Variants in NLRP4 observed in about 807,000 individuals in gnomAD.
The protein encoded by NLRP4 is NACHT, LRR and PYD domains-containing protein 4.
Under a neutral mutation model 84.7 loss-of-function variants are expected in NLRP4, and 44 were observed. The observed-to-expected ratio is 0.52, with a 90% CI of 0.41 to 0.67. The LOEUF is 0.67. Ranked by LOEUF, NLRP4 falls within the 30% of genes least tolerant of loss-of-function variation. NLRP4 has a pLI of 0.00. For synonymous variants in NLRP4, 544 were observed against 476.4 expected (o/e 1.14, Z -1.85); for missense variants, 1,260 against 1,219.4 (o/e 1.03, Z -0.50).
intron 1 of NLRP4, among the ~76,000 whole-genome samples, chr19:55,837,852 A>G (rs1258367714): frequency 1.3e-5 from 2 of 152,078 alleles, no homozygotes; most frequent in African/African-American, 2.4e-5. Flanking sequence ...CCTGGAAAAC[A>G]TGGCAAAACC....
intron 5 of NLRP4, among the ~76,000 whole-genome samples, chr19:55,863,891 A>G (rs574972476): frequency 1.7e-3 from 258 of 152,202 alleles, no homozygotes; most frequent in Non-Finnish European, 3.2e-3. Context: ...CTTACCCTCT[A>G]CTTACCTTCA....
intron 8 of NLRP4, 26 bp downstream of exon 8, chr19:55,877,192 T>C: frequency 1.2e-6 from 2 of 1,605,494 alleles, no homozygotes; most frequent in South Asian, 1.1e-5. Flanking sequence ...CTCCTGGTTA[T>C]GTTTTCATGA....
At chr19:55,848,967 C>G (rs570228652) in intron 1 of NLRP4, among the ~76,000 whole-genome samples, 1 of 152,076 alleles carries the variant, frequency 6.6e-6, no homozygotes, top group Non-Finnish European at 1.5e-5. Flanking sequence ...GTAAGATGTG[C>G]CTTTTGCCTT....
chr19:55,859,443 T>A (rs1984629844), intron 3 of NLRP4, among the ~76,000 whole-genome samples, 194 bp downstream of exon 3: 1 of 152,194 alleles, frequency 6.6e-6, no homozygotes, highest in Non-Finnish European at 1.5e-5. Flanking sequence ...CTTTTGTGGC[T>A]GCAGTGGCCC....
rs1451039589 is a variant in NLRP4, at chr19:55,847,718, T to C, written c.-65-4298T>C. Among the ~76,000 whole-genome samples the C allele has an allele frequency of 2.6e-5, 3 of 115,882 alleles. No individual in the cohort carries two copies. The East Asian group carries it at 6.3e-4, about 25-fold the overall frequency. 76.0% of individuals were successfully genotyped at this position (115,882 alleles called of 152,430 possible). On this transcript the variant is annotated intron_variant, in intron 1 of 9. Transcript: ENST00000301295. ...TTCCCCCCTTTTTACCTAATATCCT[T>C]TTTTTTTTTTTTTTGAGATGGAGTC...
chr19:55,854,513 A>AT (rs777574350), intron 2 of NLRP4, among the ~76,000 whole-genome samples: 16 of 152,204 alleles, frequency 1.1e-4, no homozygotes, highest in Non-Finnish European at 2.1e-4. Context: ...AATATGAGAC[A>AT]TTGAAAATGT....
Position 55,877,054 on chromosome 19 carries a change from A to C in NLRP4, c.2584A>C (p.Ser862Arg), listed in dbSNP as rs749202285. 1.2e-6 allele frequency: 2 copies of C among 1,614,108 alleles called. No homozygotes were observed. Among genetic ancestry groups the C allele is most frequent in the East Asian group, 4.5e-5 (2 of 44,884 alleles). ...GCEDLASALISNQNLKILQIG... is the reference protein window; with the variant it reads ...GCEDLASALIRNQNLKILQIG... ...TGAAGACCTCGCCTCTGCTCTCATC[A>C]GCAATCAAAACCTGAAGATTCTGCA... Residue 862 changes from serine (S) to arginine (R), a missense_variant, in exon 8 of 10, where the codon AGC becomes CGC. By Grantham distance (110) the Ser-to-Arg change is moderately radical. Transcript: ENST00000301295.
chr19:55,872,162 C>T (rs1184029723), intron 7 of NLRP4, among the ~76,000 whole-genome samples: 2 of 152,018 alleles, frequency 1.3e-5, no homozygotes, highest in African/African-American at 2.4e-5. Context: ...CAGAAATATT[C>T]TTAAGTAGCA....
chr19:55,856,511 C>CTTTTTTTTT, intron 2 of NLRP4, among the ~76,000 whole-genome samples: 1 of 112,214 alleles, frequency 8.9e-6, no homozygotes, highest in Non-Finnish European at 1.7e-5. Context: ...GTTGCTGGAT[C>CTTTTTTTTT]TTTTTTTTTT....
rs141877892 is a variant in NLRP4, at chr19:55,877,263, A to G, written c.2696+97A>G. ...AAGATGAAAACTCCAACAGGACCAC[A>G]TAGCAGCTAGCTGTGGTTGCATCAT... On this transcript the variant is annotated intron_variant, in intron 8 of 9. Coordinates refer to ENST00000301295, the MANE Select transcript of NLRP4 (RefSeq NM_134444.5). 61 of 1,116,392 alleles carry G rather than the reference A, an allele frequency of 5.5e-5. No individual in the cohort carries two copies. The East Asian group carries it at 1.4e-3, about 25-fold the overall frequency. 69.2% of individuals were successfully genotyped at this position (1,116,392 alleles called of 1,614,324 possible).
intron 1 of NLRP4, among the ~76,000 whole-genome samples, chr19:55,845,001 T>C (rs1983740338): frequency 6.6e-6 from 1 of 152,142 alleles, no homozygotes; most frequent in Admixed American, 6.5e-5. Flanking sequence ...GGTATTAATA[T>C]TTCAGCCTGT....
At chr19:55,863,673 C>A (rs35093307) in intron 5 of NLRP4, among the ~76,000 whole-genome samples, 2 of 151,938 alleles carry the variant, frequency 1.3e-5, no homozygotes, top group Admixed American at 1.3e-4. Flanking sequence ...TATCAGACAG[C>A]GGTTACTTTT....
intron 6 of NLRP4, among the ~76,000 whole-genome samples, chr19:55,870,445 C>A (rs1022594464): frequency 1.3e-5 from 2 of 152,148 alleles, no homozygotes; most frequent in African/African-American, 4.8e-5. Flanking sequence ...GGCAGATCAC[C>A]TGAGGTCCGG....
intron 8 of NLRP4, among the ~76,000 whole-genome samples, chr19:55,877,422 TTGGGTTG>T (rs1985415904): frequency 6.6e-6 from 1 of 152,058 alleles, no homozygotes; most frequent in Non-Finnish European, 1.5e-5. Flanking sequence ...ATTGGCTGGT[TTGGGTTG>T]ACCTTGCTAT....
At chr19:55,857,390 T>C (rs1037011413) in intron 2 of NLRP4, 8 of 459,084 alleles carry the variant, frequency 1.7e-5, no homozygotes, top group East Asian at 1.7e-4. Context: ...AACCTTTTTG[T>C]GTAGAGGACC....
In NLRP4 at chr19:55,858,377, A is replaced by T. The variant is rs1265144428; in HGVS notation, c.984A>T (p.Val328=). ...PKRAMEAFNL[V]RESEQLFSIC... The stretch of plus-strand genomic sequence containing the variant: ...GAGCCATGGAAGCCTTCAATCTTGT[A>T]AGAGAAAGTGAACAGCTGTTTTCCA... Residue 328 remains valine, a synonymous_variant, in exon 3 of 10, where the codon GTA becomes GTT. Coordinates refer to ENST00000301295, the MANE Select transcript of NLRP4 (RefSeq NM_134444.5). This position sits in a 1 kb window ranked among gnomAD's most constrained non-coding sequence, Gnocchi z 4.2. 1 of 1,614,166 alleles carries T rather than the reference A, an allele frequency of 6.2e-7. No homozygotes were observed. Among genetic ancestry groups the T allele is most frequent in the African/African-American group, 1.3e-5 (1 of 75,034 alleles).
chr19:55,861,399 C>G lies in NLRP4; in HGVS notation c.1870C>G (p.Leu624Val), dbSNP rs144564162. Residue 624 changes from leucine to valine, a missense_variant, in exon 4 of 10, where the codon CTC becomes GTC. Coordinates refer to ENST00000301295, the MANE Select transcript of NLRP4 (RefSeq NM_134444.5). ...DEHSSTSDYSLICWHHICSVL... is the reference protein window; with the variant it reads ...DEHSSTSDYSVICWHHICSVL... ...TCTTGACCACAGGTCGGATTACAGC[C>G]TCATCTGTTGGCATCACATCTGCTC... is the stretch of plus-strand genomic sequence containing the variant. The G allele has an allele frequency of 6.2e-7, 1 of 1,613,588 alleles. No homozygotes were observed. Among genetic ancestry groups the G allele is most frequent in the Non-Finnish European group, 8.5e-7 (1 of 1,179,782 alleles).
chr19:55,853,825 G>GTC, intron 2 of NLRP4, among the ~76,000 whole-genome samples: 1 of 129,266 alleles, frequency 7.7e-6, no homozygotes, highest in African/African-American at 3.1e-5. Context: ...CTTTCTTGCT[G>GTC]TCTCTTTCTC....
In NLRP4 at chr19:55,852,166, A is replaced by G. The variant is rs752623697; in HGVS notation, c.86A>G (p.His29Arg). 2.5e-6 allele frequency: 4 copies of G among 1,609,172 alleles called. No homozygotes were observed. Among genetic ancestry groups the G allele is most frequent in the Non-Finnish European group, 3.4e-6 (4 of 1,178,434 alleles). Residue 29 changes from histidine (H) to arginine (R), a missense_variant, in exon 2 of 10, where the codon CAT (histidine) becomes CGT (arginine). This residue lies in a region of NLRP4 where 712 missense variants were observed against 669.2 expected (regional missense o/e 1.06). Coordinates refer to ENST00000301295, the MANE Select transcript of NLRP4 (RefSeq NM_134444.5). ...GAGGAGTTCAGGAAATTTAAAGAAC[A>G]TCTCAAGCAAATGACTTTGCAGCTT... ...KKEEFRKFKE[H>R]LKQMTLQLEL...
Sources: gnomAD v4.1 joint callset for allele counts (sites outside exome capture counted in the v4.1 genomes callset) on GRCh38, gnomAD v4.1.1 for gene constraint, gnomAD v4.1.1 regional missense constraint, Gnocchi (gnomAD v3.1) non-coding constraint, MANE v1.5 for transcripts, NCBI Gene and HGNC (gene_info 2026-07-23, HGNC 2026-07-21) for gene names.